Variants in TMEM167A observed in about 807,000 individuals in gnomAD.
TMEM167A encodes protein kish-A.
TMEM167A carries 8 observed loss-of-function variants against 11.6 expected under a neutral mutation model. The ratio of observed to expected loss-of-function variants is 0.69; its 90% CI spans 0.40 to 1.24. The LOEUF (loss-of-function observed/expected upper bound fraction) is 1.24. Ranked by LOEUF, TMEM167A falls within the 50% of genes most tolerant of loss-of-function variation. TMEM167A has a pLI of 0.01. For missense variants in TMEM167A, 62 were observed against 87.0 expected, an observed-to-expected ratio of 0.71 and a Z score of 1.14; for synonymous variants, 22 against 28.0, an observed-to-expected ratio of 0.79 and a Z score of 0.67.
chr5:83,059,104 A>G (rs1256976542), intron 3 of TMEM167A, among the ~76,000 whole-genome samples: 1 of 151,960 alleles, frequency 6.6e-6, no homozygotes, highest in African/African-American at 2.4e-5. Flanking sequence ...ATTTAAAATG[A>G]ACCATTCAAC....
intron 1 of TMEM167A, among the ~76,000 whole-genome samples, chr5:83,072,826 C>T (rs548603302): frequency 6.6e-6 from 1 of 152,238 alleles, no homozygotes; most frequent in Non-Finnish European, 1.5e-5. Context: ...AAGATCAGCA[C>T]CCACATCAGA....
intron 1 of TMEM167A, among the ~76,000 whole-genome samples, chr5:83,075,109 C>T (rs1265703362): frequency 3.3e-5 from 5 of 151,610 alleles, no homozygotes; most frequent in Non-Finnish European, 5.9e-5. Flanking sequence ...ATTAAAATAC[C>T]TAGTCTTTAA....
At chr5:83,066,588 GAAA>G (rs1039000680) in intron 1 of TMEM167A, among the ~76,000 whole-genome samples, 1 of 152,002 alleles carries the variant, frequency 6.6e-6, no homozygotes, top group Admixed American at 6.5e-5. Context: ...TGGCATCAAA[GAAA>G]AAAACTGACA....
At chr5:83,071,824 G>C (rs1200320785) in intron 1 of TMEM167A, among the ~76,000 whole-genome samples, 1 of 152,060 alleles carries the variant, frequency 6.6e-6, no homozygotes, top group African/African-American at 2.4e-5. Flanking sequence ...TCTCTTCTCA[G>C]CAACAGTGGC....
intron 1 of TMEM167A, among the ~76,000 whole-genome samples, chr5:83,074,030 C>A (rs1163757024): frequency 6.6e-6 from 1 of 152,176 alleles, no homozygotes; most frequent in African/African-American, 2.4e-5. Context: ...AGTTGGTTTT[C>A]TAAAATGCAC....
At chr5:83,065,237 C>A in intron 1 of TMEM167A, 120 bp from the exon 2 acceptor site, 1 of 634,288 alleles carries the variant, frequency 1.6e-6, no homozygotes. Context: ...AGCAGAATGA[C>A]AAGTCTGGCA....
chr5:83,068,882 T>C (rs903712780), intron 1 of TMEM167A, among the ~76,000 whole-genome samples: 2 of 152,176 alleles, frequency 1.3e-5, no homozygotes, highest in East Asian at 1.9e-4. Flanking sequence ...ATGTTCAGGA[T>C]TGGTTTCTAA....
At chr5:83,071,423 C>T (rs1423995631) in intron 1 of TMEM167A, 3 of 152,180 alleles carry the variant, frequency 2.0e-5, no homozygotes, top group Admixed American at 6.6e-5. Context: ...AGAAATGACA[C>T]TCCTGACCTA....
intron 1 of TMEM167A, among the ~76,000 whole-genome samples, chr5:83,067,687 T>C (rs1297110904): frequency 2.0e-5 from 3 of 152,002 alleles, no homozygotes; most frequent in African/African-American, 7.3e-5. Flanking sequence ...GTATTTTTTT[T>C]TTTTTAGTAG....
At chr5:83,070,531 G>A (rs1744544749) in intron 1 of TMEM167A, among the ~76,000 whole-genome samples, 1 of 152,084 alleles carries the variant, frequency 6.6e-6, no homozygotes. Context: ...ATCACATTTG[G>A]TTAGGTGTTT....
At chr5:83,076,025 T>C (rs1318615927) in intron 1 of TMEM167A, among the ~76,000 whole-genome samples, 1 of 152,200 alleles carries the variant, frequency 6.6e-6, no homozygotes, top group African/African-American at 2.4e-5. Context: ...AAGAAACAAA[T>C]CACTAAGTCT....
intron 1 of TMEM167A, among the ~76,000 whole-genome samples, chr5:83,065,819 A>G (rs1159688082): frequency 6.6e-6 from 1 of 152,182 alleles, no homozygotes; most frequent in Non-Finnish European, 1.5e-5. Flanking sequence ...GAGTCATAAG[A>G]AACCATAAGT....
At chr5:83,060,922 C>T (rs1037093924) in intron 3 of TMEM167A, among the ~76,000 whole-genome samples, 3 of 151,828 alleles carry the variant, frequency 2.0e-5, no homozygotes, top group East Asian at 3.9e-4. Context: ...TGCTGGGTAC[C>T]GTGTTAAATG....
chr5:83,077,308 C>T lies in TMEM167A; in HGVS notation c.3+13G>A, dbSNP rs776039170. The T allele has an allele frequency of 3.1e-6, 5 of 1,614,060 alleles. No homozygotes were observed. Among genetic ancestry groups the T allele is most frequent in the South Asian group, 1.1e-5 (1 of 91,094 alleles). On this transcript the variant is annotated intron_variant, in intron 1 of 3. Coordinates refer to ENST00000502346, the MANE Select transcript of TMEM167A (RefSeq NM_174909.5). ...TCGAAGATCAACCGCGACCTGGGAG[C>T]CCCACTTCTTACCATAGCGAGGCCG...
chr5:83,058,322 A>T (rs1463822349), intron 3 of TMEM167A, among the ~76,000 whole-genome samples: 1 of 152,108 alleles, frequency 6.6e-6, no homozygotes, highest in Non-Finnish European at 1.5e-5. Context: ...TTATACACAT[A>T]CAAAAAAATA....
At chr5:83,057,251 C>T in intron 3 of TMEM167A, 97 bp from the exon 4 acceptor site, 1 of 1,156,118 alleles carries the variant, frequency 8.6e-7, no homozygotes, top group Non-Finnish European at 1.3e-6. Context: ...AACATTCTTC[C>T]CTAGGAGGCC....
rs541914770 is a variant in TMEM167A at position 83,057,511 on chromosome 5, T to C, written c.149-357A>G. The stretch of plus-strand genomic sequence containing the variant: ...CTCAATTGAGGCCAAAGAAATATTG[T>C]TTATTTTCTGTCTATAAAAAGAACA... On this transcript the variant is annotated intron_variant, in intron 3 of 3. Transcript: ENST00000502346. 3.3e-5 allele frequency among the ~76,000 whole-genome samples: 5 copies of C among 152,126 alleles called. No homozygotes were observed. In the East Asian group the frequency reaches 5.8e-4, roughly 18 times the overall value.
chr5:83,061,750 T>G (rs1050740250), intron 3 of TMEM167A, 127 bp downstream of exon 3: 3 of 898,212 alleles, frequency 3.3e-6, no homozygotes, highest in African/African-American at 3.4e-5. Flanking sequence ...TATAAACTTT[T>G]GCGAAAATGC....
chr5:83,064,659 G>A (rs1278677219), intron 2 of TMEM167A, among the ~76,000 whole-genome samples: 1 of 151,960 alleles, frequency 6.6e-6, no homozygotes. Context: ...AATTCAACAG[G>A]ACTTTACTGA....
Sources: allele counts gnomAD v4.1 joint callset (sites outside exome capture counted in the v4.1 genomes callset), GRCh38; gene constraint gnomAD v4.1.1; transcripts MANE v1.5; gene names NCBI Gene and HGNC (gene_info 2026-07-23, HGNC 2026-07-21).